The following SYCP1 variants were observed in gnomAD, a reference collection of about 807,000 sequenced individuals.
The protein encoded by SYCP1 is synaptonemal complex protein 1, also known as cancer/testis antigen 8.
A neutral mutation model predicts 153.1 loss-of-function variants in SYCP1; 64 were observed. The observed-to-expected ratio is 0.42, with a 90% CI of 0.34 to 0.51. SYCP1 has a LOEUF of 0.51. Ranked by LOEUF, SYCP1 falls within the 20% of genes least tolerant of loss-of-function variation. The pLI is 0.06. For missense variants in SYCP1, 997 were observed against 1,049.0 expected (o/e 0.95, Z 0.68); for synonymous variants, 384 against 341.8 (o/e 1.12, Z -1.36).
chr1:114,882,745 C>T (rs2101525922), intron 12 of SYCP1, among the ~76,000 whole-genome samples: 1 of 152,120 alleles, frequency 6.6e-6, no homozygotes, highest in Non-Finnish European at 1.5e-5. Flanking sequence ...GAAGGATTTG[C>T]TTTTTTTCCC....
At chr1:114,955,168 A>G (rs1671357025) in intron 27 of SYCP1, among the ~76,000 whole-genome samples, 1 of 151,884 alleles carries the variant, frequency 6.6e-6, no homozygotes, top group Non-Finnish European at 1.5e-5. Context: ...TTATCATATT[A>G]TTTTTCTTTT....
At chr1:114,912,868 C>T (rs1289096118) in intron 18 of SYCP1, among the ~76,000 whole-genome samples, 165 bp from the exon 19 acceptor site, 1 of 151,872 alleles carries the variant, frequency 6.6e-6, no homozygotes, top group Non-Finnish European at 1.5e-5. Context: ...ATGTAATGAT[C>T]AACCTATCAC....
intron 8 of SYCP1, among the ~76,000 whole-genome samples, chr1:114,874,106 T>C (rs867790416): frequency 2.0e-5 from 3 of 152,204 alleles, no homozygotes; most frequent in Non-Finnish European, 4.4e-5. Flanking sequence ...AGGTTTTCTT[T>C]CCCTGACTCT....
chr1:114,969,271 T>A (rs1433258033), intron 27 of SYCP1, among the ~76,000 whole-genome samples: 1 of 152,216 alleles, frequency 6.6e-6, no homozygotes, highest in Non-Finnish European at 1.5e-5. Flanking sequence ...CTGCTGAAGC[T>A]GCACCCACAG....
chr1:114,983,945 G>C (rs75993265), intron 29 of SYCP1, among the ~76,000 whole-genome samples: 364 of 151,578 alleles, frequency 2.4e-3, no homozygotes, highest in African/African-American at 8.5e-3. Flanking sequence ...CTGTTGCCTG[G>C]GCTGGGCTGC....
intron 15 of SYCP1, among the ~76,000 whole-genome samples, chr1:114,888,033 G>T (rs969089424): frequency 6.6e-6 from 1 of 151,990 alleles, no homozygotes; most frequent in African/African-American, 2.4e-5. Context: ...GTCTGTTATT[G>T]TTTAATTGAA....
intron 28 of SYCP1, among the ~76,000 whole-genome samples, chr1:114,980,583 A>G (rs896242701): frequency 1.3e-5 from 2 of 151,920 alleles, no homozygotes; most frequent in African/African-American, 4.8e-5. Context: ...TTTATAGGTG[A>G]AAAAGAAGAA....
At chr1:114,937,218 C>T (rs1337717053) in intron 23 of SYCP1, among the ~76,000 whole-genome samples, 2 of 152,098 alleles carry the variant, frequency 1.3e-5, no homozygotes, top group Admixed American at 6.6e-5. Context: ...TGGAACAGAA[C>T]AGAGCCCTCA....
chr1:114,926,345 G>A lies in SYCP1; in HGVS notation c.1863+5G>A. On this transcript the variant is annotated splice_donor_5th_base_variant and intron_variant, in intron 22 of 31. Transcript: ENST00000369522. ...ATTGAAGAACTTCAGCAGGAGGTAT[G>A]TATTTTTTATAAATATTCTCAAAAT... The A allele has an allele frequency of 6.5e-7, 1 of 1,527,880 alleles. No individual in the cohort carries two copies. The highest frequency in any genetic ancestry group is 1.3e-5 in the South Asian group (1 of 77,162). The allele number at this position is 1,527,880 out of a possible 1,614,324, so 94.6% of individuals were successfully genotyped here. A position where few individuals can be genotyped will look rare whatever the true frequency, so the allele number is the denominator to read the frequency against.
intron 27 of SYCP1, among the ~76,000 whole-genome samples, chr1:114,954,305 A>C (rs1262889465): frequency 6.6e-6 from 1 of 151,886 alleles, no homozygotes; most frequent in East Asian, 1.9e-4. Context: ...TTGTGTTTTT[A>C]ATTTTGTTTC....
chr1:114,930,051 C>T (rs1244938144), intron 23 of SYCP1, among the ~76,000 whole-genome samples: 1 of 151,800 alleles, frequency 6.6e-6, no homozygotes, highest in Non-Finnish European at 1.5e-5. Flanking sequence ...TCTGGAAAAG[C>T]CCGGATATTT....
At chr1:114,934,897 A>G (rs1669890385) in intron 23 of SYCP1, among the ~76,000 whole-genome samples, 1 of 152,224 alleles carries the variant, frequency 6.6e-6, no homozygotes, top group Non-Finnish European at 1.5e-5. Flanking sequence ...GAGCACCCAG[A>G]TTCATAAAGC....
chr1:114,897,534 A>C (rs1304178147), intron 16 of SYCP1, among the ~76,000 whole-genome samples: 2 of 152,154 alleles, frequency 1.3e-5, no homozygotes, highest in Non-Finnish European at 2.9e-5. Flanking sequence ...CCCTGAGCCC[A>C]ATCCTAAGCT....
chr1:114,972,496 A>G (rs1052723707), intron 27 of SYCP1, among the ~76,000 whole-genome samples: 1 of 151,956 alleles, frequency 6.6e-6, no homozygotes, highest in Non-Finnish European at 1.5e-5. Flanking sequence ...AAGATGCATC[A>G]TTAGGTTATT....
chr1:114,955,367 T>C (rs959727655), intron 27 of SYCP1, among the ~76,000 whole-genome samples: 2 of 152,274 alleles, frequency 1.3e-5, no homozygotes, highest in East Asian at 3.9e-4. Flanking sequence ...TGAGAAATAT[T>C]GGTCTGTAGT....
chr1:114,887,105 C>T (rs1414244732), intron 14 of SYCP1, among the ~76,000 whole-genome samples: 1 of 152,018 alleles, frequency 6.6e-6, no homozygotes, highest in Non-Finnish European at 1.5e-5. Flanking sequence ...GCTAGCCTTT[C>T]TAGCTCCCCT....
chr1:114,968,533 C>A (rs1260124813), intron 27 of SYCP1, among the ~76,000 whole-genome samples: 1 of 150,120 alleles, frequency 6.7e-6, no homozygotes, highest in African/African-American at 2.5e-5. Context: ...TCCATCAGGT[C>A]TTTTCTGTTC....
At chr1:114,966,523 C>T (rs1161708354) in intron 27 of SYCP1, among the ~76,000 whole-genome samples, 2 of 152,048 alleles carry the variant, frequency 1.3e-5, no homozygotes, top group African/African-American at 4.8e-5. Context: ...TAGCTGTGTC[C>T]CAGAGATTCT....
At chr1:114,928,536 G>A (rs1426248812) in intron 23 of SYCP1, among the ~76,000 whole-genome samples, 3 of 152,186 alleles carry the variant, frequency 2.0e-5, no homozygotes, top group Non-Finnish European at 4.4e-5. Flanking sequence ...GCATTAGATG[G>A]AAACTGATCA....
Sources: allele counts gnomAD v4.1 joint callset (sites outside exome capture counted in the v4.1 genomes callset), GRCh38; gene constraint gnomAD v4.1.1; transcripts MANE v1.5; gene names NCBI Gene and HGNC (gene_info 2026-07-23, HGNC 2026-07-21).